Variants in ZMYND8 observed in about 807,000 individuals in gnomAD.
The protein encoded by ZMYND8 is MYND-type zinc finger-containing chromatin reader ZMYND8.
ZMYND8 carries 37 observed loss-of-function variants against 140.8 expected under a neutral mutation model. The ratio of observed to expected loss-of-function variants is 0.26; its 90% CI spans 0.20 to 0.35. The LOEUF (loss-of-function observed/expected upper bound fraction) is 0.35, where lower values mean the gene tolerates loss of function less well. ZMYND8 is among the 10% of genes least tolerant of loss of function. ZMYND8 has a pLI of 1.00. For missense variants in ZMYND8, 1,068 were observed against 1,570.0 expected (o/e 0.68, Z 5.40); for synonymous variants, 592 against 597.1 (o/e 0.99, Z 0.12).
At chr20:47,243,703 T>C (rs757577578) in intron 14 of ZMYND8, among the ~76,000 whole-genome samples, 5 of 152,222 alleles carry the variant, frequency 3.3e-5, no homozygotes, top group Non-Finnish European at 5.9e-5. Flanking sequence ...TATGTATCCT[T>C]GTCAATCTGT....
intron 21 of ZMYND8, among the ~76,000 whole-genome samples, chr20:47,215,317 G>C (rs893399753): frequency 6.6e-6 from 1 of 152,084 alleles, no homozygotes. Flanking sequence ...AGGTTGCAGT[G>C]AGCCAAGATT....
At chr20:47,236,839 A>C (rs572768876) in intron 15 of ZMYND8, among the ~76,000 whole-genome samples, 1 of 152,268 alleles carries the variant, frequency 6.6e-6, no homozygotes, top group Non-Finnish European at 1.5e-5. Context: ...CAACACCTGA[A>C]GACAGGACCT....
chr20:47,220,777 T>C (rs6012138), intron 20 of ZMYND8, among the ~76,000 whole-genome samples: 4,932 of 152,242 alleles, frequency 0.032, 277 homozygotes, highest in African/African-American at 0.11. Flanking sequence ...GAAATAGATA[T>C]ACAGTGACTA....
intron 2 of ZMYND8, among the ~76,000 whole-genome samples, chr20:47,324,912 A>AT (rs2080285313): frequency 6.6e-6 from 1 of 151,786 alleles, no homozygotes; most frequent in Non-Finnish European, 1.5e-5. Context: ...ATTATTTTTT[A>AT]TTTTTTATTT....
rs561765484 is a variant in ZMYND8 at position 47,268,290 on chromosome 20, CTT to C, written c.1481-5864_1481-5863del. Among the ~76,000 whole-genome samples, 653 of 107,318 alleles carry C rather than the reference CTT, an allele frequency of 6.1e-3. 5 individuals carry two copies. The highest frequency in any genetic ancestry group is 0.023 in the African/African-American group (573 of 24,978). 70.4% of individuals were successfully genotyped at this position (107,318 alleles called of 152,430 possible). On this transcript the variant is annotated intron_variant, in intron 11 of 22. Transcript: ENST00000471951. The stretch of plus-strand genomic sequence containing the variant: ...TGGCCAACATGGTGAAACCCCGTCT[CTT>C]TTTTTTTTTTTTTTTTTTCAGAAGG...
At chr20:47,299,378 G>A (rs1440260719) in intron 3 of ZMYND8, among the ~76,000 whole-genome samples, 1 of 152,174 alleles carries the variant, frequency 6.6e-6, no homozygotes, top group East Asian at 1.9e-4. Flanking sequence ...TAAATGGGGT[G>A]ATATAATGTA....
chr20:47,212,670 CTGGTGGTCTG>C lies in ZMYND8; in HGVS notation c.3530_3539del (p.Thr1177SerfsTer90), dbSNP rs1273774524. The stretch of plus-strand genomic sequence containing the variant: ...TCTGGGCGGGGTAGTTGGGGTGCGG[CTGGTGGTCTG>C]TGGTGGTTGGGGCATAGGCAGGTTG... On this transcript the variant is annotated frameshift_variant, in exon 22 of 23. Transcript: ENST00000471951. LOFTEE classifies it high-confidence loss of function. 1.2e-6 allele frequency: 2 copies of C among 1,613,944 alleles called. No individual in the cohort carries two copies. The highest frequency in any genetic ancestry group is 1.7e-6 in the Non-Finnish European group (2 of 1,179,910).
chr20:47,342,121 G>A (rs577406640), intron 2 of ZMYND8, among the ~76,000 whole-genome samples: 5 of 151,986 alleles, frequency 3.3e-5, no homozygotes, highest in East Asian at 1.9e-4. Context: ...GCAATGAGCC[G>A]AGATTGTGCC....
chr20:47,227,055 C>T (rs1354757784), intron 18 of ZMYND8, 148 bp downstream of exon 18: 2 of 843,230 alleles, frequency 2.4e-6, no homozygotes, highest in Non-Finnish European at 3.8e-6. Flanking sequence ...TTCTCCAGGC[C>T]CAGACTCTCA....
intron 2 of ZMYND8, among the ~76,000 whole-genome samples, chr20:47,345,388 G>A (rs1281852932): frequency 2.0e-5 from 3 of 152,062 alleles, no homozygotes; most frequent in East Asian, 1.9e-4. Context: ...CATCACAAAG[G>A]AAACAAAGGT....
intron 2 of ZMYND8, among the ~76,000 whole-genome samples, chr20:47,321,614 A>G (rs1176149038): frequency 6.6e-6 from 1 of 152,146 alleles, no homozygotes; most frequent in Admixed American, 6.6e-5. Flanking sequence ...ATGATTCCTG[A>G]TGTTTCACCT....
chr20:47,289,122 T>C (rs550815534), intron 7 of ZMYND8, among the ~76,000 whole-genome samples: 45 of 152,088 alleles, frequency 3.0e-4, no homozygotes, highest in Non-Finnish European at 5.7e-4. Context: ...AATAAATAAA[T>C]AATCCTATTT....
chr20:47,309,848 C>T (rs2078786780), intron 3 of ZMYND8, among the ~76,000 whole-genome samples: 1 of 152,120 alleles, frequency 6.6e-6, no homozygotes, highest in African/African-American at 2.4e-5. Context: ...GGTCCCTGCT[C>T]TGTCCCCGAA....
At chr20:47,211,073 G>C (rs41344545) in intron 22 of ZMYND8, among the ~76,000 whole-genome samples, 176 bp from the exon 23 acceptor site, 1,936 of 152,236 alleles carry the variant, frequency 0.013, 45 homozygotes, top group African/African-American at 0.044. Flanking sequence ...CAGAAAGGTA[G>C]AACAACTTAT....
intron 21 of ZMYND8, among the ~76,000 whole-genome samples, 164 bp downstream of exon 21, chr20:47,220,094 C>T (rs1172466992): frequency 1.3e-5 from 2 of 152,030 alleles, no homozygotes; most frequent in Admixed American, 6.6e-5. Context: ...TTAACATGCT[C>T]AGCTACCCCC....
chr20:47,341,657 T>G (rs572874202), intron 2 of ZMYND8, among the ~76,000 whole-genome samples: 2 of 151,406 alleles, frequency 1.3e-5, no homozygotes, highest in South Asian at 4.2e-4. Flanking sequence ...GATCACAAGG[T>G]CAGAAGTTCC....
chr20:47,290,711 C>T (rs1028005393), intron 6 of ZMYND8, among the ~76,000 whole-genome samples: 1 of 150,822 alleles, frequency 6.6e-6, no homozygotes, highest in South Asian at 2.1e-4. Flanking sequence ...CCTGCCTCAG[C>T]CTCCTGAATA....
intron 12 of ZMYND8, among the ~76,000 whole-genome samples, chr20:47,254,708 A>G (rs549447138): frequency 9.2e-4 from 133 of 143,918 alleles, no homozygotes; most frequent in African/African-American, 2.9e-3. Context: ...TGGGTCCTGG[A>G]TAAGTCTTTG....
In ZMYND8 at chr20:47,340,834, C is replaced by CT. The variant is rs1602089644; in HGVS notation, c.85+7021_85+7022insA. 1.1e-4 allele frequency among the ~76,000 whole-genome samples: 16 copies of CT among 151,308 alleles called. 1 individual carries two copies. In the South Asian group the frequency reaches 2.9e-3, roughly 28 times the overall value. ...AAAAAAAAAAAAATACAGCAGCCAG[C>CT]ATTCTAGCAGAGTAACAAATAAGAA... is the stretch of plus-strand genomic sequence containing the variant. On this transcript the variant is annotated intron_variant, in intron 2 of 22. Transcript: ENST00000471951.
Sources: allele counts gnomAD v4.1 joint callset (sites outside exome capture counted in the v4.1 genomes callset), GRCh38; gene constraint gnomAD v4.1.1; transcripts MANE v1.5; gene names NCBI Gene and HGNC (gene_info 2026-07-23, HGNC 2026-07-21).